RAB11A: variants seen among roughly 807,000 people sequenced by gnomAD.
RAB11A encodes the protein RAB11A, member RAS oncogene family.
Under a neutral mutation model 28.0 loss-of-function variants are expected in RAB11A, and 9 were observed. That is an observed-to-expected ratio of 0.32 (90% CI 0.19 to 0.56). The LOEUF (loss-of-function observed/expected upper bound fraction) is 0.56, where lower values mean the gene tolerates loss of function less well. RAB11A is among the 20% of genes least tolerant of loss of function. The pLI, the probability that RAB11A is intolerant of heterozygous loss-of-function variation, is 0.91. For missense variants in RAB11A, 108 were observed against 269.6 expected (o/e 0.40, Z 4.20); for synonymous variants, 85 against 88.2 (o/e 0.96, Z 0.20).
chr15:65,885,956 A>G (rs1268918121), intron 4 of RAB11A, among the ~76,000 whole-genome samples: 1 of 152,236 alleles, frequency 6.6e-6, no homozygotes, highest in Non-Finnish European at 1.5e-5. Flanking sequence ...ATCAGTGGAC[A>G]GAAATTAATT....
At position 65,877,357 on chromosome 15, in the gene RAB11A, T is replaced by A. The variant is rs1425221326; in HGVS notation, c.66T>A (p.Val22=). ...FKVVLIGDSG[V]GKSNLLSRFT... Reference sequence around the variant, plus strand: ...TTGTCCTTATTGGAGATTCTGGTGTTGGAAAGAGTAATCTCCTGTCTCGAT... The same window carrying A: ...TTGTCCTTATTGGAGATTCTGGTGTAGGAAAGAGTAATCTCCTGTCTCGAT... The change falls in exon 2 of 5, where the codon GTT becomes GTA. Residue 22 remains valine (V), a synonymous_variant. Transcript: ENST00000261890. This position sits in a 1 kb window ranked among gnomAD's most constrained non-coding sequence, Gnocchi z 4.1. The A allele has an allele frequency of 6.2e-7, 1 of 1,613,452 alleles. No individual in the cohort carries two copies. The highest frequency in any genetic ancestry group is 8.5e-7 in the Non-Finnish European group (1 of 1,179,684).
chr15:65,882,181 C>T (rs966902937), intron 4 of RAB11A, among the ~76,000 whole-genome samples: 1 of 152,228 alleles, frequency 6.6e-6, no homozygotes, highest in South Asian at 2.1e-4. Context: ...CTTTTCCTTT[C>T]TATATTCACT....
At chr15:65,883,001 A>G (rs2078232260) in intron 4 of RAB11A, among the ~76,000 whole-genome samples, 1 of 152,166 alleles carries the variant, frequency 6.6e-6, no homozygotes, top group Admixed American at 6.5e-5. Context: ...CGCTCTAAAT[A>G]TATACATATT....
At position 65,877,736 on chromosome 15, in the gene RAB11A, G is replaced by A. The variant is rs185712448; in HGVS notation, c.237-26G>A. On this transcript the variant is annotated intron_variant, in intron 2 of 4. Transcript: ENST00000261890. This position sits in a 1 kb window ranked among gnomAD's most constrained non-coding sequence, Gnocchi z 4.1. Reference sequence around the variant, plus strand: ...GTTTGCTTCCATCTTGTGGTTTTCTGATACTAAATATGTTTCTGTTTTCAG... The same window carrying A: ...GTTTGCTTCCATCTTGTGGTTTTCTAATACTAAATATGTTTCTGTTTTCAG... 13 of 1,531,254 alleles carry A rather than the reference G, an allele frequency of 8.5e-6. 1 individual carries two copies. In the African/African-American group the frequency reaches 1.4e-4, roughly 16 times the overall value. The allele number at this position is 1,531,254 out of a possible 1,614,324, so 94.9% of individuals were successfully genotyped here. A position where few individuals can be genotyped will look rare whatever the true frequency, so the allele number is the denominator to read the frequency against.
intron 1 of RAB11A, among the ~76,000 whole-genome samples, chr15:65,871,815 C>CT (rs2078162595): frequency 6.6e-6 from 1 of 150,934 alleles, no homozygotes; most frequent in East Asian, 1.9e-4. Context: ...AAATACCTGC[C>CT]TCTTAAGATT....
intron 4 of RAB11A, among the ~76,000 whole-genome samples, chr15:65,883,116 C>T (rs1395883820): frequency 6.6e-6 from 1 of 152,140 alleles, no homozygotes; most frequent in African/African-American, 2.4e-5. Context: ...TTTATAGCCA[C>T]AGTATAATTA....
intron 1 of RAB11A, among the ~76,000 whole-genome samples, chr15:65,873,521 C>A (rs1476797623): frequency 6.6e-6 from 1 of 151,954 alleles, no homozygotes; most frequent in African/African-American, 2.4e-5. Flanking sequence ...TAGACTTGAG[C>A]CTTATTGTAT....
intron 1 of RAB11A, among the ~76,000 whole-genome samples, chr15:65,875,310 G>A (rs1197745541): frequency 6.6e-6 from 1 of 151,236 alleles, no homozygotes; most frequent in African/African-American, 2.4e-5. Flanking sequence ...TTTTGTATAA[G>A]TGATTCAAAG....
Position 65,888,453 on chromosome 15 carries a change from C to G in RAB11A, c.*613C>G, listed in dbSNP as rs1016406569. 1.3e-5 allele frequency: 2 copies of G among 152,410 alleles called. No homozygotes were observed. Among genetic ancestry groups the G allele is most frequent in the Non-Finnish European group, 2.9e-5 (2 of 68,018 alleles). 9.4% of individuals were successfully genotyped at this position (152,410 alleles called of 1,614,324 possible). Reference sequence around the variant, plus strand: ...AGGGGGGCACTTTTTCTGGAGAATTCTCTTAGTAAACACAAAAGATTGTTA... The same window carrying G: ...AGGGGGGCACTTTTTCTGGAGAATTGTCTTAGTAAACACAAAAGATTGTTA... On this transcript the variant is annotated 3_prime_UTR_variant, in exon 5 of 5. Transcript: ENST00000261890.
In RAB11A at chr15:65,889,630, G is replaced by A. The variant is rs555279800; in HGVS notation, c.*1790G>A. 1.3e-5 allele frequency: 2 copies of A among 152,248 alleles called. No homozygotes were observed. The highest frequency in any genetic ancestry group is 4.8e-5 in the African/African-American group (2 of 41,556). The allele number at this position is 152,248 out of a possible 1,614,324, so 9.4% of individuals were successfully genotyped here. A position where few individuals can be genotyped will look rare whatever the true frequency, so the allele number is the denominator to read the frequency against. On this transcript the variant is annotated 3_prime_UTR_variant, in exon 5 of 5. Transcript: ENST00000261890. ...TTCAATTATGCTTTCCTTGGAAAAAGTATGTCCAAAAACATTAGGAAAGTA... is the reference window on the plus strand; with the variant it reads ...TTCAATTATGCTTTCCTTGGAAAAAATATGTCCAAAAACATTAGGAAAGTA...
rs1272096495 is a variant in RAB11A, at chr15:65,890,824, T to C, written c.*2984T>C. 2 of 152,200 alleles carry C rather than the reference T, an allele frequency of 1.3e-5. No individual in the cohort carries two copies. Among genetic ancestry groups the C allele is most frequent in the South Asian group, 2.1e-4 (1 of 4,834 alleles). The allele number at this position is 152,200 out of a possible 1,614,324, so 9.4% of individuals were successfully genotyped here. ...GGCTGGGTGGATATTTAAGAACTTA[T>C]TCTAACCTGTCAGGTTTCAATTTGT... On this transcript the variant is annotated 3_prime_UTR_variant, in exon 5 of 5. Transcript: ENST00000261890.
At chr15:65,882,138 A>G (rs1006637971) in intron 4 of RAB11A, among the ~76,000 whole-genome samples, 3 of 152,210 alleles carry the variant, frequency 2.0e-5, no homozygotes, top group African/African-American at 7.2e-5. Flanking sequence ...TGTTGCTTGA[A>G]AGCAAAGAAG....
intron 4 of RAB11A, among the ~76,000 whole-genome samples, chr15:65,880,324 G>T (rs2078214767): frequency 6.6e-6 from 1 of 152,158 alleles, no homozygotes; most frequent in Non-Finnish European, 1.5e-5. Flanking sequence ...GAATGTGAAT[G>T]ACCAGGTCAG....
In RAB11A at chr15:65,879,692, T is replaced by C; in HGVS notation, c.452T>C (p.Ile151Thr). The change falls in exon 4 of 5, where the codon ATT (isoleucine) becomes ACT (threonine). Residue 151 changes from isoleucine (I) to threonine (T), a missense_variant. Physicochemically the swap from Ile to Thr is moderately conservative, Grantham distance 89. Transcript: ENST00000261890. The stretch of plus-strand genomic sequence containing the variant: ...TCAGAAAAGAATGGTTTGTCATTCA[T>C]TGAAACTTCGGCCCTAGACTCTACA... ...AFAEKNGLSF[I>T]ETSALDSTNV... The C allele has an allele frequency of 6.3e-7, 1 of 1,597,736 alleles. No individual in the cohort carries two copies. The highest frequency in any genetic ancestry group is 8.6e-7 in the Non-Finnish European group (1 of 1,166,514).
intron 4 of RAB11A, among the ~76,000 whole-genome samples, chr15:65,886,808 G>A (rs749514329): frequency 1.3e-5 from 2 of 152,148 alleles, no homozygotes; most frequent in African/African-American, 2.4e-5. Context: ...TAGTAAAAGA[G>A]GCAGACACTA....
chr15:65,872,035 T>C (rs555868616), intron 1 of RAB11A, among the ~76,000 whole-genome samples: 1 of 145,680 alleles, frequency 6.9e-6, no homozygotes, highest in African/African-American at 2.6e-5. Flanking sequence ...CAGGCTCAGG[T>C]GACCCCCCGA....
chr15:65,881,469 G>A (rs1239965572), intron 4 of RAB11A, among the ~76,000 whole-genome samples: 2 of 152,106 alleles, frequency 1.3e-5, no homozygotes, highest in Non-Finnish European at 2.9e-5. Context: ...AGCATTTTAA[G>A]GCCTCAGAAA....
chr15:65,869,746 G>C, intron 1 of RAB11A, 121 bp downstream of exon 1: 3 of 1,074,352 alleles, frequency 2.8e-6, no homozygotes, highest in South Asian at 1.8e-5. Context: ...CTTCCTTTTT[G>C]TGCGGTTCCG....
chr15:65,869,498 G>A lies in RAB11A; in HGVS notation c.-88G>A, dbSNP rs1033662326. On this transcript the variant is annotated 5_prime_UTR_variant, in exon 1 of 5. Coordinates refer to ENST00000261890, the MANE Select transcript of RAB11A (RefSeq NM_004663.5). The stretch of plus-strand genomic sequence containing the variant: ...CTCTTCACCCAGTCCGGCAGTTGAA[G>A]CTCGGCGCTCGGGTTACCCCTGCAG... The A allele has an allele frequency of 3.3e-6, 5 of 1,535,338 alleles. No individual in the cohort carries two copies. The highest frequency in any genetic ancestry group is 1.7e-4 in the Middle Eastern group (1 of 5,756).
Sources: gnomAD v4.1 joint callset for allele counts (sites outside exome capture counted in the v4.1 genomes callset) on GRCh38, gnomAD v4.1.1 for gene constraint, Gnocchi (gnomAD v3.1) non-coding constraint, MANE v1.5 for transcripts, NCBI Gene and HGNC (gene_info 2026-07-23, HGNC 2026-07-21) for gene names.